The following LRP2 variants were observed in gnomAD, a reference collection of about 807,000 sequenced individuals.
LRP2 encodes low-density lipoprotein receptor-related protein 2.
LRP2 carries 172 observed loss-of-function variants against 531.0 expected under a neutral mutation model. The observed-to-expected ratio is 0.32, with a 90% CI of 0.29 to 0.37. The LOEUF (loss-of-function observed/expected upper bound fraction) is 0.37, where lower values mean the gene tolerates loss of function less well. LRP2 is among the 10% of genes least tolerant of loss of function. LRP2 has a pLI of 1.00. For synonymous variants in LRP2, 1,992 were observed against 2,027.6 expected, an observed-to-expected ratio of 0.98 and a Z score of 0.47; for missense variants, 5,167 against 5,868.3, an observed-to-expected ratio of 0.88 and a Z score of 3.90.
chr2:169,172,947 CAT>C (rs1397397527), intron 57 of LRP2, 147 bp downstream of exon 57: 1 of 1,023,238 alleles, frequency 9.8e-7, no homozygotes, highest in African/African-American at 1.6e-5. Flanking sequence ...AAAAATGTAA[CAT>C]GTTATTAGAA....
intron 31 of LRP2, among the ~76,000 whole-genome samples, chr2:169,228,864 C>T (rs1166997034): frequency 1.3e-5 from 2 of 152,104 alleles, no homozygotes; most frequent in East Asian, 3.8e-4. Flanking sequence ...CAGGGAGATG[C>T]CTGAAAAGTG....
chr2:169,242,663 T>C (rs189476034), intron 24 of LRP2, among the ~76,000 whole-genome samples: 1 of 152,232 alleles, frequency 6.6e-6, no homozygotes. Flanking sequence ...TTAAACCTAC[T>C]AAAGTGGGAA....
chr2:169,215,142 T>C (rs1688731860), intron 35 of LRP2, among the ~76,000 whole-genome samples: 1 of 152,234 alleles, frequency 6.6e-6, no homozygotes, highest in African/African-American at 2.4e-5. Flanking sequence ...TCATCACTTC[T>C]TTTTAATCTC....
intron 4 of LRP2, among the ~76,000 whole-genome samples, chr2:169,296,740 C>T (rs1039682985): frequency 7.2e-5 from 11 of 151,954 alleles, no homozygotes; most frequent in African/African-American, 2.7e-4. Flanking sequence ...TTTCTTCATC[C>T]TGCTTTTTGA....
intron 1 of LRP2, among the ~76,000 whole-genome samples, chr2:169,338,472 AAAGAC>A (rs1160065257): frequency 6.6e-6 from 1 of 150,672 alleles, no homozygotes; most frequent in Non-Finnish European, 1.5e-5. Flanking sequence ...AAGGAAGGAA[AAAGAC>A]AAGACAAGAC....
rs1687695730 is a variant in LRP2 at position 169,188,091 on chromosome 2, G to A, written c.9207C>T (p.His3069=). 1 of 1,614,124 alleles carries A rather than the reference G, an allele frequency of 6.2e-7. No individual in the cohort carries two copies. Among genetic ancestry groups the A allele is most frequent in the Non-Finnish European group, 8.5e-7 (1 of 1,180,026 alleles). Residue 3069 remains histidine, a synonymous_variant, in exon 49 of 79, where the codon CAC becomes CAT. Transcript: ENST00000649046. ...GAGGTGGACACGTGGGTTCTGGGGT[G>A]TGGCACAGGTGCATCAGCTCATCAG... The part of the protein sequence containing the change: ...DGSDELMHLC[H]TPEPTCPPHE...
intron 1 of LRP2, among the ~76,000 whole-genome samples, chr2:169,329,740 C>A (rs1685215464): frequency 6.6e-6 from 1 of 152,184 alleles, no homozygotes; most frequent in Non-Finnish European, 1.5e-5. Context: ...AAGGGTCTCA[C>A]CTTGCAGCCC....
chr2:169,134,794 C>T (rs1209432444), intron 76 of LRP2, among the ~76,000 whole-genome samples: 1 of 152,134 alleles, frequency 6.6e-6, no homozygotes, highest in Non-Finnish European at 1.5e-5. Flanking sequence ...ATTAATGCGT[C>T]TTTAATAAAA....
intron 35 of LRP2, among the ~76,000 whole-genome samples, chr2:169,214,941 T>C (rs1033333330): frequency 2.6e-5 from 4 of 152,054 alleles, no homozygotes; most frequent in Admixed American, 6.6e-5. Flanking sequence ...TTGGTGATGA[T>C]TAAACCAGGA....
chr2:169,140,653 A>T (rs1248884015), intron 71 of LRP2, 108 bp from the exon 72 acceptor site: 2 of 747,800 alleles, frequency 2.7e-6, no homozygotes, highest in Non-Finnish European at 4.7e-6. Flanking sequence ...AGGCCAGCCA[A>T]TTAGTCTCCC....
chr2:169,294,558 C>A, intron 5 of LRP2, 42 bp downstream of exon 5: 3 of 1,406,796 alleles, frequency 2.1e-6, no homozygotes, highest in Non-Finnish European at 3.0e-6. Flanking sequence ...CAGTATAAAC[C>A]AGCTTCAGCA....
chr2:169,132,773 T>A lies in LRP2; in HGVS notation c.13621-92A>T, dbSNP rs533789301. ...AGTTTGTACCAACTCTGGCTCTTTT[T>A]GCCATCTTGTTCTCCCACAGACATC... is the stretch of plus-strand genomic sequence containing the variant. On this transcript the variant is annotated intron_variant, in intron 76 of 78. Coordinates refer to ENST00000649046, the MANE Select transcript of LRP2 (RefSeq NM_004525.3). 28 of 751,310 alleles carry A rather than the reference T, an allele frequency of 3.7e-5. No individual in the cohort carries two copies. The African/African-American group carries it at 4.3e-4, about 12-fold the overall frequency. 46.5% of individuals were successfully genotyped at this position (751,310 alleles called of 1,614,324 possible). A position where few individuals can be genotyped will look rare whatever the true frequency, so the allele number is the denominator to read the frequency against.
At chr2:169,269,777 C>T (rs1394964567) in intron 16 of LRP2, among the ~76,000 whole-genome samples, 6 of 152,128 alleles carry the variant, frequency 3.9e-5, no homozygotes, top group Admixed American at 3.9e-4. Context: ...GACTAAAGAG[C>T]TTCTGCACAG....
rs1180414528 is a variant in LRP2 at position 169,277,801 on chromosome 2, G to A, written c.1716C>T (p.Tyr572=). The A allele has an allele frequency of 1.2e-6, 2 of 1,613,950 alleles. No homozygotes were observed. The highest frequency in any genetic ancestry group is 2.7e-5 in the African/African-American group (2 of 74,884). ...TGTAATCAAACCGAGAGTCAACCCA[G>A]TAAACACGCTTCGATATCATATCCA... ...VTLDMISKRV[Y]WVDSRFDYIE... Residue 572 remains tyrosine, a synonymous_variant, in exon 13 of 79, where the codon TAC becomes TAT. Coordinates refer to ENST00000649046, the MANE Select transcript of LRP2 (RefSeq NM_004525.3).
chr2:169,244,974 C>T, intron 21 of LRP2, 42 bp from the exon 22 acceptor site: 1 of 1,613,386 alleles, frequency 6.2e-7, no homozygotes, highest in African/African-American at 1.3e-5. Flanking sequence ...TTTGTTTTTA[C>T]AGCCTTTTAA....
At chr2:169,286,512 A>G (rs1683862472) in intron 9 of LRP2, among the ~76,000 whole-genome samples, 1 of 152,236 alleles carries the variant, frequency 6.6e-6, no homozygotes, top group Admixed American at 6.5e-5. Flanking sequence ...AAAATTTTAT[A>G]AAACAAGAAC....
chr2:169,318,842 T>A lies in LRP2; in HGVS notation c.230A>T (p.Glu77Val), dbSNP rs200113428. Residue 77 changes from glutamate to valine, a missense_variant, in exon 3 of 79, where the codon GAG (glutamate) becomes GTG (valine). Glu to Val is a moderately radical substitution (Grantham distance 121, BLOSUM62 -2). Around this residue, in one of 6 missense-constraint regions of LRP2, gnomAD observed 2,811 missense variants for 3,058.0 expected, o/e 0.92. Coordinates refer to ENST00000649046, the MANE Select transcript of LRP2 (RefSeq NM_004525.3). ...CCAGGAGTTGGGGATGCATTGTCCC[T>A]CACTCTGGCACTTGAAATAGCCCTG... ...CQQGYFKCQS[E>V]GQCIPNSWVC... The A allele has an allele frequency of 4.2e-5, 67 of 1,614,140 alleles. 1 individual carries two copies. The African/African-American group carries it at 8.7e-4, about 21-fold the overall frequency.
At chr2:169,243,203 G>C in intron 23 of LRP2, 131 bp from the exon 24 acceptor site, 1 of 894,512 alleles carries the variant, frequency 1.1e-6, no homozygotes, top group South Asian at 1.4e-5. Context: ...TTGTTACATA[G>C]GTATACACGT....
intron 16 of LRP2, among the ~76,000 whole-genome samples, chr2:169,267,349 T>C (rs1683243067): frequency 6.6e-6 from 1 of 152,094 alleles, no homozygotes; most frequent in Non-Finnish European, 1.5e-5. Flanking sequence ...GACCACATAG[T>C]TGGAAGTAAA....
Sources: gnomAD v4.1 joint callset for allele counts (sites outside exome capture counted in the v4.1 genomes callset) on GRCh38, gnomAD v4.1.1 for gene constraint, gnomAD v4.1.1 regional missense constraint, MANE v1.5 for transcripts, NCBI Gene and HGNC (gene_info 2026-07-23, HGNC 2026-07-21) for gene names.